The following CSMD1 variants were observed in gnomAD, a reference collection of about 807,000 sequenced individuals.
CSMD1 encodes the protein CUB and sushi domain-containing protein 1.
In CSMD1, 213 loss-of-function variants were observed where a neutral mutation model predicts 417.5. That is an observed-to-expected ratio of 0.51 (90% CI 0.46 to 0.57). The LOEUF is 0.57. Among genes scored for constraint, CSMD1 ranks in the 20% least tolerant of loss-of-function variants. The pLI is 0.00. For missense variants in CSMD1, 6,923 were observed against 4,529.7 expected (o/e 1.53, Z -15.17); for synonymous variants, 2,862 against 1,736.8 (o/e 1.65, Z -16.11).
Position 3,587,443 on chromosome 8 carries a change from A to C in CSMD1, c.1098-1183T>G, listed in dbSNP as rs114544984. Among the ~76,000 whole-genome samples, 573 of 152,322 alleles carry C rather than the reference A, an allele frequency of 3.8e-3. 3 individuals carry two copies. The highest frequency in any genetic ancestry group is 0.013 in the African/African-American group (552 of 41,582). ...AACAGAATTGAAATAAGGAGATGTG[A>C]AGGAAAAGAAGCACAGTTGTCAGTG... On this transcript the variant is annotated intron_variant, in intron 8 of 69. Transcript: ENST00000635120.
chr8:3,099,320 G>C (rs1310113580), intron 46 of CSMD1, among the ~76,000 whole-genome samples: 2 of 152,060 alleles, frequency 1.3e-5, no homozygotes, highest in Non-Finnish European at 2.9e-5. Flanking sequence ...ATATGGCAAA[G>C]TTAACCAACA....
chr8:3,071,126 C>A (rs1813297521), intron 49 of CSMD1, among the ~76,000 whole-genome samples: 1 of 152,150 alleles, frequency 6.6e-6, no homozygotes, highest in South Asian at 2.1e-4. Context: ...GAAGATAGCA[C>A]CAAGCCATGA....
At chr8:3,626,063 A>G (rs1796475668) in intron 7 of CSMD1, among the ~76,000 whole-genome samples, 1 of 152,246 alleles carries the variant, frequency 6.6e-6, no homozygotes, top group African/African-American at 2.4e-5. Context: ...TGAACATTTT[A>G]TAAGAGCCTG....
chr8:4,023,272 A>C (rs939948168), intron 4 of CSMD1, among the ~76,000 whole-genome samples: 7 of 152,196 alleles, frequency 4.6e-5, no homozygotes, highest in Admixed American at 2.6e-4. Context: ...ATCTGAACCA[A>C]CTACCCATCA....
chr8:4,139,555 G>A (rs1220371602), intron 3 of CSMD1, among the ~76,000 whole-genome samples: 2 of 151,228 alleles, frequency 1.3e-5, no homozygotes, highest in Admixed American at 1.3e-4. Context: ...ACGACGATCT[G>A]CATATAGCTC....
chr8:3,523,798 CAT>C (rs771503426), intron 10 of CSMD1, among the ~76,000 whole-genome samples: 6 of 151,286 alleles, frequency 4.0e-5, no homozygotes, highest in East Asian at 2.0e-4. Context: ...CATATGCACA[CAT>C]GTGCACATAC....
intron 50 of CSMD1, among the ~76,000 whole-genome samples, chr8:3,049,815 C>T (rs1432644131): frequency 1.3e-5 from 2 of 151,980 alleles, no homozygotes; most frequent in African/African-American, 2.4e-5. Flanking sequence ...GTAACATGCA[C>T]CCCACTCTGG....
chr8:3,846,501 C>T (rs1803512181), intron 5 of CSMD1, among the ~76,000 whole-genome samples: 1 of 152,096 alleles, frequency 6.6e-6, no homozygotes, highest in Admixed American at 6.6e-5. Context: ...CTCAGATAAG[C>T]ATAGAAAGTA....
At chr8:3,582,006 G>A (rs188922007) in intron 9 of CSMD1, among the ~76,000 whole-genome samples, 309 of 152,252 alleles carry the variant, frequency 2.0e-3, no homozygotes, top group Non-Finnish European at 3.2e-3. Flanking sequence ...TGTTGGCCAG[G>A]TTGGTCTTGA....
At position 2,974,637 on chromosome 8, in the gene CSMD1, G is replaced by C. The variant is rs570427733; in HGVS notation, c.8567-13C>G. On this transcript the variant is annotated splice_polypyrimidine_tract_variant and intron_variant, in intron 55 of 69. Coordinates refer to ENST00000635120, the MANE Select transcript of CSMD1 (RefSeq NM_033225.6). ...CCACACGATATAGCTTCAGAAAAAA[G>C]ATAAAACAATTGAGTACATCCTTCC... The C allele has an allele frequency of 3.2e-6, 5 of 1,562,684 alleles. No homozygotes were observed. The highest frequency in any genetic ancestry group is 1.7e-4 in the Middle Eastern group (1 of 5,932).
At chr8:4,635,540 G>C (rs1389024132) in intron 2 of CSMD1, among the ~76,000 whole-genome samples, 2 of 152,070 alleles carry the variant, frequency 1.3e-5, no homozygotes, top group African/African-American at 4.8e-5. Flanking sequence ...ACATTTTTAA[G>C]AGAGCATATT....
rs138264223 is a variant in CSMD1, at chr8:4,470,273, C to G, written c.303-50208G>C. ...CCCATCAGGGGCTCCTCCTCTATCCCGAGCCTTCTCCCTCCTCTCCTTCAA... is the reference window on the plus strand; with the variant it reads ...CCCATCAGGGGCTCCTCCTCTATCCGGAGCCTTCTCCCTCCTCTCCTTCAA... On this transcript the variant is annotated intron_variant, in intron 2 of 69. Coordinates refer to ENST00000635120, the MANE Select transcript of CSMD1 (RefSeq NM_033225.6). Among the ~76,000 whole-genome samples the G allele has an allele frequency of 5.4e-3, 826 of 152,236 alleles. 3 individuals are homozygous for G. Among genetic ancestry groups the G allele is most frequent in the Middle Eastern group, 0.01 (3 of 294 alleles).
chr8:3,201,926 G>A (rs1209160987), intron 31 of CSMD1, among the ~76,000 whole-genome samples: 2 of 151,986 alleles, frequency 1.3e-5, no homozygotes, highest in African/African-American at 4.8e-5. Flanking sequence ...TTGACTTTTG[G>A]CATTTAATAA....
Position 4,602,919 on chromosome 8 carries a change from G to C in CSMD1, c.302+34423C>G, listed in dbSNP as rs557351111. On this transcript the variant is annotated intron_variant, in intron 2 of 69. Coordinates refer to ENST00000635120, the MANE Select transcript of CSMD1 (RefSeq NM_033225.6). ...TAATGATATGATCTAGGTTAAAATAGATTATTATGTATGAATGTAACTATA... is the reference window on the plus strand; with the variant it reads ...TAATGATATGATCTAGGTTAAAATACATTATTATGTATGAATGTAACTATA... Among the ~76,000 whole-genome samples, 8 of 151,820 alleles carry C rather than the reference G, an allele frequency of 5.3e-5. No homozygotes were observed. In the South Asian group the frequency reaches 1.2e-3, roughly 24 times the overall value.
chr8:3,540,675 C>T (rs1053641046), intron 10 of CSMD1, among the ~76,000 whole-genome samples: 21 of 151,850 alleles, frequency 1.4e-4, no homozygotes, highest in Admixed American at 4.6e-4. Context: ...GGAACTCAAA[C>T]AAATTTACAA....
chr8:3,298,068 G>T (rs1804104112), intron 25 of CSMD1, among the ~76,000 whole-genome samples: 1 of 152,076 alleles, frequency 6.6e-6, no homozygotes, highest in Admixed American at 6.5e-5. Flanking sequence ...TGGCTAAAAT[G>T]AAAAAACAAT....
Position 2,974,446 on chromosome 8 carries a change from C to A in CSMD1, c.8740+5G>T. The A allele has an allele frequency of 6.3e-7, 1 of 1,577,082 alleles. No individual in the cohort carries two copies. The highest frequency in any genetic ancestry group is 8.6e-7 in the Non-Finnish European group (1 of 1,158,204). Reference sequence around the variant, plus strand: ...ATTCTGTCAGTTCACTCGTAAGCCCCTCACCTGTGCAGTGGGGCAGTGCCC... The same window carrying A: ...ATTCTGTCAGTTCACTCGTAAGCCCATCACCTGTGCAGTGGGGCAGTGCCC... On this transcript the variant is annotated splice_donor_5th_base_variant and intron_variant, in intron 56 of 69. Coordinates refer to ENST00000635120, the MANE Select transcript of CSMD1 (RefSeq NM_033225.6).
rs746883455 is a variant in CSMD1, at chr8:2,973,208, G to A, written c.8832C>T (p.Phe2944=). Residue 2944 remains phenylalanine (F), a synonymous_variant, in exon 57 of 70, where the codon TTC becomes TTT. Transcript: ENST00000635120. ...DDFKTKSLLR[F]SCEMGHQLRG... ...TCAGCTGGTGCCCCATTTCACAGGAGAAGCGGAGAAGACTCTTTGTCTTAA... is the reference window on the plus strand; with the variant it reads ...TCAGCTGGTGCCCCATTTCACAGGAAAAGCGGAGAAGACTCTTTGTCTTAA... The A allele has an allele frequency of 6.2e-7, 1 of 1,613,910 alleles. No homozygotes were observed. Among genetic ancestry groups the A allele is most frequent in the Non-Finnish European group, 8.5e-7 (1 of 1,179,846 alleles).
chr8:3,233,014 T>C (rs1432368299), intron 26 of CSMD1, among the ~76,000 whole-genome samples: 1 of 152,238 alleles, frequency 6.6e-6, no homozygotes, highest in Non-Finnish European at 1.5e-5. Flanking sequence ...AATATTATTG[T>C]TTGACATAGT....
Sources: allele counts gnomAD v4.1 joint callset (sites outside exome capture counted in the v4.1 genomes callset), GRCh38; gene constraint gnomAD v4.1.1; transcripts MANE v1.5; gene names NCBI Gene and HGNC (gene_info 2026-07-23, HGNC 2026-07-21).